Variants in FSTL5 observed in about 807,000 individuals in gnomAD.
FSTL5 encodes the protein follistatin-related protein 5.
In FSTL5, 62 loss-of-function variants were observed where a neutral mutation model predicts 89.1. That is an observed-to-expected ratio of 0.70 (90% CI 0.57 to 0.86). The LOEUF is 0.86. Ranked by LOEUF, FSTL5 falls within the 40% of genes least tolerant of loss-of-function variation. The pLI, the probability that FSTL5 is intolerant of heterozygous loss-of-function variation, is 0.00. For synonymous variants in FSTL5, 383 were observed against 346.2 expected, an observed-to-expected ratio of 1.11 and a Z score of -1.18; for missense variants, 1,057 against 1,001.6, an observed-to-expected ratio of 1.06 and a Z score of -0.75.
intron 4 of FSTL5, among the ~76,000 whole-genome samples, chr4:161,896,230 TTAA>T (rs1220998404): frequency 1.2e-4 from 19 of 152,308 alleles, no homozygotes; most frequent in African/African-American, 4.6e-4. Context: ...CATTATTTAA[TTAA>T]TGTTAAAAAT....
intron 3 of FSTL5, among the ~76,000 whole-genome samples, chr4:162,023,823 A>G (rs577611561): frequency 2.0e-5 from 3 of 152,280 alleles, no homozygotes; most frequent in African/African-American, 7.2e-5. Flanking sequence ...ATAGGGGAAG[A>G]CTTTTCCCCT....
intron 6 of FSTL5, among the ~76,000 whole-genome samples, chr4:161,749,373 G>T (rs1740316509): frequency 6.6e-6 from 1 of 152,104 alleles, no homozygotes; most frequent in Non-Finnish European, 1.5e-5. Context: ...ATGAAATCAA[G>T]TCCTCTGCAG....
intron 7 of FSTL5, among the ~76,000 whole-genome samples, chr4:161,602,179 A>G (rs1734267935): frequency 6.6e-6 from 1 of 151,870 alleles, no homozygotes; most frequent in African/African-American, 2.4e-5. Flanking sequence ...CACAGAAAAA[A>G]AAAGAAAACA....
chr4:161,910,714 G>A (rs1430082293), intron 4 of FSTL5, among the ~76,000 whole-genome samples: 1 of 152,004 alleles, frequency 6.6e-6, no homozygotes, highest in Non-Finnish European at 1.5e-5. Context: ...ATCACAAAAA[G>A]GCCCAAATTG....
chr4:161,779,801 ATATATATATG>A (rs1560840998), intron 4 of FSTL5, among the ~76,000 whole-genome samples: 642 of 46,216 alleles, frequency 0.014, 18 homozygotes, highest in African/African-American at 0.059. Context: ...ATATATATAT[ATATATATATG>A]TATATATATA....
At chr4:162,157,198 T>C (rs888284241) in intron 1 of FSTL5, among the ~76,000 whole-genome samples, 4 of 151,972 alleles carry the variant, frequency 2.6e-5, no homozygotes, top group African/African-American at 7.2e-5. Context: ...AAGTGAGGGA[T>C]GTAAAAGTTG....
At chr4:161,907,914 T>C (rs1037456616) in intron 4 of FSTL5, among the ~76,000 whole-genome samples, 1 of 152,076 alleles carries the variant, frequency 6.6e-6, no homozygotes, top group Admixed American at 6.6e-5. Context: ...ACCTGCTCCA[T>C]CTTTTAATTT....
chr4:161,515,377 T>C (rs992616502), intron 10 of FSTL5, among the ~76,000 whole-genome samples: 7 of 151,978 alleles, frequency 4.6e-5, no homozygotes, highest in Non-Finnish European at 1.0e-4. Context: ...TTTGTTGTTG[T>C]TGTATTTTTA....
intron 4 of FSTL5, among the ~76,000 whole-genome samples, chr4:161,869,101 G>A (rs1732182223): frequency 6.6e-6 from 1 of 152,142 alleles, no homozygotes; most frequent in African/African-American, 2.4e-5. Flanking sequence ...TTGTGAGGCT[G>A]AGGCAGGAGA....
At chr4:162,124,714 TTC>T (rs1732002546) in intron 1 of FSTL5, among the ~76,000 whole-genome samples, 3 of 152,130 alleles carry the variant, frequency 2.0e-5, no homozygotes, top group African/African-American at 7.2e-5. Flanking sequence ...TTTGTTTTTT[TTC>T]TGAGACAGAG....
At chr4:161,725,537 A>G (rs1251943522) in intron 6 of FSTL5, among the ~76,000 whole-genome samples, 1 of 151,602 alleles carries the variant, frequency 6.6e-6, no homozygotes, top group Non-Finnish European at 1.5e-5. Flanking sequence ...AAAACTATAT[A>G]TAATTAACAT....
At chr4:161,807,486 T>C (rs573801355) in intron 4 of FSTL5, among the ~76,000 whole-genome samples, 1 of 152,286 alleles carries the variant, frequency 6.6e-6, no homozygotes, top group African/African-American at 2.4e-5. Context: ...ATGATTTTTT[T>C]TGCAGTATTT....
chr4:162,150,489 A>G (rs551241476), intron 1 of FSTL5, among the ~76,000 whole-genome samples: 1 of 152,286 alleles, frequency 6.6e-6, no homozygotes, highest in South Asian at 2.1e-4. Flanking sequence ...TCTGGCATCT[A>G]TTTTCATTGA....
chr4:161,630,938 A>T (rs1453373063), intron 7 of FSTL5, among the ~76,000 whole-genome samples: 3 of 152,242 alleles, frequency 2.0e-5, no homozygotes, highest in African/African-American at 7.2e-5. Context: ...CTTAACAGGA[A>T]TCTGACACAA....
intron 4 of FSTL5, among the ~76,000 whole-genome samples, chr4:161,823,901 T>A (rs1037027644): frequency 6.6e-6 from 1 of 152,238 alleles, no homozygotes; most frequent in Non-Finnish European, 1.5e-5. Flanking sequence ...CCTTGTAGAT[T>A]CTGGATACTA....
intron 15 of FSTL5, among the ~76,000 whole-genome samples, chr4:161,445,780 C>T (rs766971903): frequency 1.3e-5 from 2 of 151,918 alleles, no homozygotes; most frequent in Non-Finnish European, 1.5e-5. Context: ...GGCTCAATGT[C>T]ATCCTTTTCA....
intron 1 of FSTL5, among the ~76,000 whole-genome samples, chr4:162,149,366 A>AT (rs951386570): frequency 2.6e-5 from 4 of 152,056 alleles, no homozygotes; most frequent in Non-Finnish European, 5.9e-5. Context: ...TGTCCAAAAT[A>AT]TAAAAATATT....
chr4:162,029,279 T>C (rs1421578404), intron 3 of FSTL5, among the ~76,000 whole-genome samples: 1 of 152,038 alleles, frequency 6.6e-6, no homozygotes, highest in Admixed American at 6.6e-5. Flanking sequence ...AACATAATAT[T>C]TTCCTATGGT....
Position 161,436,139 on chromosome 4 carries a change from C to T in FSTL5, c.1841+18865G>A, listed in dbSNP as rs1354439975. 2.0e-5 allele frequency among the ~76,000 whole-genome samples: 3 copies of T among 152,076 alleles called. No individual in the cohort carries two copies. The East Asian group carries it at 5.8e-4, about 29-fold the overall frequency. ...AAAGGAGGCCAAATATTTAAGAGAT[C>T]GCTGTGTAGTCACCAATTCAGGCAG... On this transcript the variant is annotated intron_variant, in intron 15 of 15. Coordinates refer to ENST00000306100, the MANE Select transcript of FSTL5 (RefSeq NM_020116.5).
Sources: gnomAD v4.1 joint callset for allele counts (sites outside exome capture counted in the v4.1 genomes callset) on GRCh38, gnomAD v4.1.1 for gene constraint, MANE v1.5 for transcripts, NCBI Gene and HGNC (gene_info 2026-07-23, HGNC 2026-07-21) for gene names.